SHISAL1: variants seen among roughly 807,000 people sequenced by gnomAD.
SHISAL1 encodes the protein protein shisa-like-1.
A neutral mutation model predicts 22.6 loss-of-function variants in SHISAL1; 9 were observed. The ratio of observed to expected loss-of-function variants is 0.40; its 90% CI spans 0.24 to 0.70. The LOEUF (loss-of-function observed/expected upper bound fraction) is 0.70. Ranked by LOEUF, SHISAL1 falls within the 30% of genes least tolerant of loss-of-function variation. The probability of loss-of-function intolerance (pLI) is 0.39; values close to 1 mark genes in which losing one functional copy is unlikely to be tolerated. For missense variants in SHISAL1, 246 were observed against 270.6 expected, an observed-to-expected ratio of 0.91 and a Z score of 0.64; for synonymous variants, 119 against 115.4, an observed-to-expected ratio of 1.03 and a Z score of -0.20.
Position 44,285,591 on chromosome 22 carries a change from G to T in SHISAL1, c.436C>A (p.Pro146Thr), listed in dbSNP as rs1303774355. 2.5e-6 allele frequency: 4 copies of T among 1,614,010 alleles called. No homozygotes were observed. The highest frequency in any genetic ancestry group is 1.1e-5 in the South Asian group (1 of 91,084). ...GIQGRWMKQD[P>T]RRWGNPARAP... The stretch of plus-strand genomic sequence containing the variant: ...CGAGCGGGGTTCCCCCACCGCCGGG[G>T]GTCCTGTTTCATCCATCGTCCTTGG... Residue 146 changes from proline (P) to threonine (T), a missense_variant, in exon 4 of 5, where the codon CCC (proline) becomes ACC (threonine). By Grantham distance (38) the Pro-to-Thr change is conservative (BLOSUM62 -1). Transcript: ENST00000381176.
At chr22:44,327,348 G>T in the SHISAL1 span, among the ~76,000 whole-genome samples, 1 of 152,136 alleles carries the variant, frequency 6.6e-6, no homozygotes, top group African/African-American at 2.4e-5. Context: ...TGTCCTGAGG[G>T]GCTGAACGAG....
intron 4 of SHISAL1, among the ~76,000 whole-genome samples, chr22:44,259,678 T>G (rs941080300): frequency 2.6e-5 from 4 of 152,046 alleles, no homozygotes; most frequent in African/African-American, 9.7e-5. Context: ...GGACTTTGGG[T>G]TGCATTAATA....
chr22:44,274,629 G>A (rs747812574), intron 4 of SHISAL1, among the ~76,000 whole-genome samples: 18 of 152,152 alleles, frequency 1.2e-4, no homozygotes, highest in Non-Finnish European at 1.8e-4. Flanking sequence ...CTGGGTGGCC[G>A]CTGAAATGGT....
At chr22:44,276,347 G>A (rs57741334) in intron 4 of SHISAL1, among the ~76,000 whole-genome samples, 2,387 of 152,310 alleles carry the variant, frequency 0.016, 76 homozygotes, top group African/African-American at 0.055. Flanking sequence ...CAGAGGGACA[G>A]TGGGGTGCGG....
At chr22:44,252,552 T>C (rs1426611325) in intron 4 of SHISAL1, among the ~76,000 whole-genome samples, 2 of 147,088 alleles carry the variant, frequency 1.4e-5, no homozygotes, top group Non-Finnish European at 3.0e-5. Context: ...AGAAAGCCTA[T>C]CAAACAATGA....
intron 1 of SHISAL1, among the ~76,000 whole-genome samples, chr22:44,304,707 G>A (rs7511306): frequency 0.16 from 25,089 of 152,172 alleles, 2,336 homozygotes; most frequent in Middle Eastern, 0.21. Flanking sequence ...TTCTCCGGGG[G>A]AGTCCTATGG....
chr22:44,253,468 G>T (rs369485928), intron 4 of SHISAL1, among the ~76,000 whole-genome samples: 11 of 135,974 alleles, frequency 8.1e-5, no homozygotes, highest in South Asian at 2.3e-4. Context: ...TCACTCTGTC[G>T]CCCAGGCTGG....
At chr22:44,266,530 G>GTGTGTATGTGTA (rs1555926277) in intron 4 of SHISAL1, among the ~76,000 whole-genome samples, 1 of 124,126 alleles carries the variant, frequency 8.1e-6, no homozygotes, top group African/African-American at 4.5e-5. Flanking sequence ...TTTGGGGTAT[G>GTGTGTATGTGTA]TGTGTGTGTG....
At chr22:44,284,889 G>GCCTGCCTGCCTGCCTTCCTT (rs1569217634) in intron 4 of SHISAL1, among the ~76,000 whole-genome samples, 2 of 75,816 alleles carry the variant, frequency 2.6e-5, no homozygotes, top group African/African-American at 1.2e-4. Flanking sequence ...CCACCTCTCT[G>GCCTGCCTGCCTGCCTTCCTT]CCTTCCTGCC....
intron 2 of SHISAL1, among the ~76,000 whole-genome samples, chr22:44,298,345 G>A (rs1026058008): frequency 2.0e-5 from 3 of 152,238 alleles, no homozygotes; most frequent in African/African-American, 7.2e-5. Flanking sequence ...GGCCTCGAGG[G>A]CATCCCCGGA....
At chr22:44,270,632 T>G (rs2055199391) in intron 4 of SHISAL1, among the ~76,000 whole-genome samples, 1 of 152,174 alleles carries the variant, frequency 6.6e-6, no homozygotes, top group Non-Finnish European at 1.5e-5. Context: ...ATCCTGCCTC[T>G]GTGAGACCAC....
chr22:44,317,851 C>A (rs1441899682), upstream of SHISAL1, among the ~76,000 whole-genome samples: 1 of 152,230 alleles, frequency 6.6e-6, no homozygotes, highest in African/African-American at 2.4e-5. Flanking sequence ...TTAGTCGTCC[C>A]CAAACTAGAG....
At chr22:44,269,543 CCA>C (rs1020681663) in intron 4 of SHISAL1, among the ~76,000 whole-genome samples, 18 of 143,184 alleles carry the variant, frequency 1.3e-4, no homozygotes, top group African/African-American at 4.2e-4. Context: ...ACACACCATG[CCA>C]CAGATACAAC....
At chr22:44,276,814 G>A (rs1422716559) in intron 4 of SHISAL1, among the ~76,000 whole-genome samples, 1 of 150,200 alleles carries the variant, frequency 6.7e-6, no homozygotes, top group Non-Finnish European at 1.5e-5. Context: ...CTGTGGATCC[G>A]GGTGGGGTCC....
intron 4 of SHISAL1, among the ~76,000 whole-genome samples, chr22:44,261,098 T>TATATAC (rs1459696750): frequency 1.5e-5 from 2 of 130,278 alleles, no homozygotes; most frequent in African/African-American, 7.0e-5. Flanking sequence ...TATATATATA[T>TATATAC]ACACTATATG....
chr22:44,261,553 T>TC (rs1308445891), intron 4 of SHISAL1, among the ~76,000 whole-genome samples: 1 of 152,080 alleles, frequency 6.6e-6, no homozygotes, highest in African/African-American at 2.4e-5. Flanking sequence ...GTCATTAACC[T>TC]CTCTGGGCCT....
chr22:44,329,769 AT>A, the SHISAL1 span, among the ~76,000 whole-genome samples: 2 of 152,146 alleles, frequency 1.3e-5, no homozygotes, highest in Non-Finnish European at 2.9e-5. Context: ...CGACCCCCCA[AT>A]TCTAGGCAAC....
At chr22:44,312,458 G>A (rs1569228579) in intron 1 of SHISAL1, among the ~76,000 whole-genome samples, 1 of 152,156 alleles carries the variant, frequency 6.6e-6, no homozygotes, top group Non-Finnish European at 1.5e-5. Context: ...CACAGAGACG[G>A]TCAGCAACTT....
At chr22:44,275,131 A>AC (rs534865540) in intron 4 of SHISAL1, among the ~76,000 whole-genome samples, 21 of 152,248 alleles carry the variant, frequency 1.4e-4, no homozygotes, top group African/African-American at 5.1e-4. Flanking sequence ...TTGCGTTTTT[A>AC]CCTTCTGTTC....
Sources: gnomAD v4.1 joint callset for allele counts (sites outside exome capture counted in the v4.1 genomes callset) on GRCh38, gnomAD v4.1.1 for gene constraint, MANE v1.5 for transcripts, NCBI Gene and HGNC (gene_info 2026-07-23, HGNC 2026-07-21) for gene names.